The following RAD51B variants were observed in gnomAD, a reference collection of about 807,000 sequenced individuals.
The protein encoded by RAD51B is DNA repair protein RAD51 homolog 2.
Under a neutral mutation model 42.2 loss-of-function variants are expected in RAD51B, and 38 were observed. The observed-to-expected ratio is 0.90, with a 90% confidence interval of 0.70 to 1.18. The LOEUF (loss-of-function observed/expected upper bound fraction) is 1.18. RAD51B is among the 50% of genes most tolerant of loss of function. The pLI, the probability that RAD51B is intolerant of heterozygous loss-of-function variation, is 0.00. For synonymous variants in RAD51B, 154 were observed against 145.2 expected (o/e 1.06, Z -0.43); for missense variants, 373 against 400.7 (o/e 0.93, Z 0.59).
intron 9 of RAD51B, among the ~76,000 whole-genome samples, chr14:68,458,403 T>C (rs1045625486): frequency 6.6e-6 from 1 of 152,244 alleles, no homozygotes; most frequent in African/African-American, 2.4e-5. Context: ...ATTCTGACCC[T>C]GAACTATTTA....
chr14:68,461,654 C>T (rs2085849258), intron 9 of RAD51B, among the ~76,000 whole-genome samples: 1 of 152,212 alleles, frequency 6.6e-6, no homozygotes, highest in Non-Finnish European at 1.5e-5. Flanking sequence ...TCTATCATGA[C>T]AGACCATTTC....
chr14:68,326,126 C>T (rs1177124584), intron 8 of RAD51B, among the ~76,000 whole-genome samples: 2 of 145,366 alleles, frequency 1.4e-5, no homozygotes, highest in Non-Finnish European at 3.0e-5. Context: ...CTGCAACCTT[C>T]GCCTCCCAGG....
chr14:68,504,151 A>G (rs1299664329), intron 10 of RAD51B, among the ~76,000 whole-genome samples: 5 of 152,256 alleles, frequency 3.3e-5, no homozygotes, highest in African/African-American at 1.2e-4. Flanking sequence ...CCCCAAGGCA[A>G]GCAGAGTACA....
chr14:68,087,927 TA>T (rs1361858828), intron 7 of RAD51B, among the ~76,000 whole-genome samples: 1 of 117,898 alleles, frequency 8.5e-6, no homozygotes, highest in Non-Finnish European at 1.6e-5. Flanking sequence ...ATATTATATA[TA>T]ATTATATAAT....
chr14:68,668,447 G>A (rs559142250), intron 11 of RAD51B, among the ~76,000 whole-genome samples: 1 of 152,210 alleles, frequency 6.6e-6, no homozygotes, highest in Non-Finnish European at 1.5e-5. Flanking sequence ...GTTAGGTGGA[G>A]GCCATATGAC....
At chr14:68,128,797 T>C (rs1247385952) in intron 7 of RAD51B, among the ~76,000 whole-genome samples, 2 of 152,236 alleles carry the variant, frequency 1.3e-5, no homozygotes, top group African/African-American at 2.4e-5. Flanking sequence ...TTAGCATTCA[T>C]AATTTTAATT....
chr14:68,468,043 T>G (rs886825111), intron 9 of RAD51B, 129 bp from the exon 10 acceptor site: 24 of 784,380 alleles, frequency 3.1e-5, no homozygotes, highest in Non-Finnish European at 4.8e-5. Context: ...AAATGGTTTT[T>G]TTTTTTTTAA....
At chr14:68,672,766 C>A (rs1274136266) in intron 11 of RAD51B, among the ~76,000 whole-genome samples, 2 of 152,178 alleles carry the variant, frequency 1.3e-5, no homozygotes, top group Non-Finnish European at 2.9e-5. Flanking sequence ...ACCATGAGAT[C>A]ATTGCACTCA....
Position 68,527,414 on chromosome 14 carries a change from A to G in RAD51B, c.1036+59164A>G, listed in dbSNP as rs1055626290. 3.9e-5 allele frequency among the ~76,000 whole-genome samples: 6 copies of G among 152,214 alleles called. No individual in the cohort carries two copies. The East Asian group carries it at 7.7e-4, about 20-fold the overall frequency. On this transcript the variant is annotated intron_variant, in intron 10 of 10. Coordinates refer to the RAD51B transcript ENST00000487270. ...GCTCCTTCTGTTTTCTGGGCTGGCCATTTGAGGCCCATGAACCAACTGAGC... is the reference window on the plus strand; with the variant it reads ...GCTCCTTCTGTTTTCTGGGCTGGCCGTTTGAGGCCCATGAACCAACTGAGC...
At chr14:68,605,310 A>T in intron 10 of RAD51B, among the ~76,000 whole-genome samples, 1 of 149,864 alleles carries the variant, frequency 6.7e-6, no homozygotes. Flanking sequence ...CTCAAACATA[A>T]ATTTAATTCT....
chr14:68,514,546 T>C (rs1234717624), intron 10 of RAD51B, among the ~76,000 whole-genome samples: 2 of 152,204 alleles, frequency 1.3e-5, no homozygotes, highest in African/African-American at 4.8e-5. Flanking sequence ...GTTCCTCCTG[T>C]GGGCGCGGCT....
chr14:68,326,995 C>A (rs573237058), intron 8 of RAD51B, among the ~76,000 whole-genome samples: 1 of 152,108 alleles, frequency 6.6e-6, no homozygotes, highest in South Asian at 2.1e-4. Context: ...ACCGGTGCAC[C>A]CCAGTGGCCC....
intron 10 of RAD51B, among the ~76,000 whole-genome samples, chr14:68,524,866 GCTGCT>G (rs1886821835): frequency 6.6e-6 from 1 of 152,224 alleles, no homozygotes; most frequent in South Asian, 2.1e-4. Context: ...GAGACCACCA[GCTGCT>G]TAGCAGGCCC....
chr14:67,993,951 CTT>C (rs1160233946), intron 7 of RAD51B, among the ~76,000 whole-genome samples: 1 of 152,072 alleles, frequency 6.6e-6, no homozygotes, highest in African/African-American at 2.4e-5. Flanking sequence ...ATGTTAATAA[CTT>C]AATATATAAC....
chr14:68,027,064 A>C (rs1410065435), intron 7 of RAD51B, among the ~76,000 whole-genome samples: 2 of 152,074 alleles, frequency 1.3e-5, no homozygotes, highest in Non-Finnish European at 1.5e-5. Flanking sequence ...GCCTTTGCTT[A>C]TCTGAGAAGG....
At chr14:68,576,974 G>A (rs937131163) in intron 10 of RAD51B, among the ~76,000 whole-genome samples, 21 of 152,232 alleles carry the variant, frequency 1.4e-4, no homozygotes, top group Non-Finnish European at 2.9e-4. Flanking sequence ...CATTCCGTTT[G>A]TGGTTTGCTG....
chr14:68,430,037 T>C (rs1238968847), intron 9 of RAD51B, among the ~76,000 whole-genome samples: 4 of 152,218 alleles, frequency 2.6e-5, no homozygotes, highest in Non-Finnish European at 5.9e-5. Context: ...TTGTCAGGTT[T>C]GTCAAAGATC....
At chr14:67,895,273 GAAGATCTT>G (rs1299371088) in intron 7 of RAD51B, among the ~76,000 whole-genome samples, 2 of 152,208 alleles carry the variant, frequency 1.3e-5, no homozygotes, top group Non-Finnish European at 2.9e-5. Flanking sequence ...TTTTCTAACT[GAAGATCTT>G]AAGGTTGTAG....
intron 7 of RAD51B, among the ~76,000 whole-genome samples, chr14:68,121,259 A>C (rs2077646529): frequency 1.3e-5 from 2 of 152,220 alleles, no homozygotes; most frequent in Admixed American, 1.3e-4. Flanking sequence ...TTGCAACCAG[A>C]CTTAGCAGCT....
Sources: gnomAD v4.1 joint callset for allele counts (sites outside exome capture counted in the v4.1 genomes callset) on GRCh38, gnomAD v4.1.1 for gene constraint, MANE v1.5 for transcripts, NCBI Gene and HGNC (gene_info 2026-07-23, HGNC 2026-07-21) for gene names.